Variants in GIPC2 observed in about 807,000 individuals in gnomAD.
GIPC2 encodes the protein PDZ domain-containing protein GIPC2.
Under a neutral mutation model 30.6 loss-of-function variants are expected in GIPC2, and 30 were observed. That is an observed-to-expected ratio of 0.98 (90% CI 0.73 to 1.33). GIPC2 has a LOEUF of 1.33. GIPC2 is among the 40% of genes most tolerant of loss of function. The probability of loss-of-function intolerance (pLI) is 0.00; values close to 1 mark genes in which losing one functional copy is unlikely to be tolerated. For missense variants in GIPC2, 414 were observed against 390.3 expected, an observed-to-expected ratio of 1.06 and a Z score of -0.51; for synonymous variants, 167 against 150.0, an observed-to-expected ratio of 1.11 and a Z score of -0.83.
At chr1:78,081,487 G>A (rs1346280559) in intron 2 of GIPC2, among the ~76,000 whole-genome samples, 1 of 152,092 alleles carries the variant, frequency 6.6e-6, no homozygotes, top group African/African-American at 2.4e-5. Context: ...AGAAGGATGT[G>A]GATAGGTTAT....
At chr1:78,088,831 T>TAAA (rs67286239) in intron 2 of GIPC2, among the ~76,000 whole-genome samples, 1 of 141,178 alleles carries the variant, frequency 7.1e-6, no homozygotes. Flanking sequence ...CACTGTCTCT[T>TAAA]AAAAAAAAAA....
At chr1:78,086,181 AC>A (rs1457551066) in intron 2 of GIPC2, among the ~76,000 whole-genome samples, 2 of 152,102 alleles carry the variant, frequency 1.3e-5, no homozygotes, top group African/African-American at 4.8e-5. Flanking sequence ...TTCACTATTT[AC>A]CCAAAAGTCA....
intron 2 of GIPC2, among the ~76,000 whole-genome samples, chr1:78,090,336 A>G (rs1184252409): frequency 6.6e-6 from 1 of 152,096 alleles, no homozygotes; most frequent in Non-Finnish European, 1.5e-5. Context: ...CTGGGGTTAT[A>G]GGAATGTGCC....
At chr1:78,105,099 C>A (rs149843119) in intron 3 of GIPC2, among the ~76,000 whole-genome samples, 1 of 152,050 alleles carries the variant, frequency 6.6e-6, no homozygotes, top group Non-Finnish European at 1.5e-5. Context: ...AAGGTAGAGA[C>A]CCAGCTGGAT....
chr1:78,081,853 AT>A (rs1661834869), intron 2 of GIPC2, among the ~76,000 whole-genome samples: 1 of 151,948 alleles, frequency 6.6e-6, no homozygotes, highest in Non-Finnish European at 1.5e-5. Context: ...CTTTGTATTT[AT>A]TTTTTTGTTG....
At position 78,067,168 on chromosome 1, in the gene GIPC2, G is replaced by A. The variant is rs528608437; in HGVS notation, c.241-13507G>A. ...AGTCCTATAGCAGGTGCAAAAGTTA[G>A]GGTGGAATGATAGGGAAGCATAGGG... On this transcript the variant is annotated intron_variant, in intron 1 of 5. Coordinates refer to ENST00000370759, the MANE Select transcript of GIPC2 (RefSeq NM_017655.6). 3.9e-5 allele frequency among the ~76,000 whole-genome samples: 6 copies of A among 152,232 alleles called. No individual in the cohort carries two copies. The East Asian group carries it at 1.2e-3, about 29-fold the overall frequency.
At chr1:78,065,848 A>G (rs904395082) in intron 1 of GIPC2, among the ~76,000 whole-genome samples, 2 of 152,206 alleles carry the variant, frequency 1.3e-5, no homozygotes, top group Admixed American at 1.3e-4. Context: ...CCATATGCAG[A>G]AGATTAAAGC....
intron 2 of GIPC2, among the ~76,000 whole-genome samples, chr1:78,085,928 G>A (rs1376631108): frequency 8.0e-6 from 1 of 124,532 alleles, no homozygotes; most frequent in Non-Finnish European, 1.7e-5. Flanking sequence ...GTTCAGTTCA[G>A]CTCTGGTTTT....
intron 3 of GIPC2, among the ~76,000 whole-genome samples, chr1:78,118,247 CAAAAAAAAAAAA>C (rs71810685): frequency 5.8e-4 from 20 of 34,236 alleles, no homozygotes; most frequent in East Asian, 1.7e-3. Flanking sequence ...AGTTTCATTG[CAAAAAAAAAAAA>C]AAAAAAAAAA....
rs1212936887 is a variant in GIPC2 at position 78,119,286 on chromosome 1, T to C, written c.608-107T>C. On this transcript the variant is annotated intron_variant, in intron 3 of 5. Transcript: ENST00000370759. Reference sequence around the variant, plus strand: ...GAAGGCCTACGTTTTATCAAATTTCTATAACAATTGTATATAGTTTTGTGA... The same window carrying C: ...GAAGGCCTACGTTTTATCAAATTTCCATAACAATTGTATATAGTTTTGTGA... The C allele has an allele frequency of 4.8e-6, 3 of 623,734 alleles. No homozygotes were observed. The African/African-American group carries it at 5.5e-5, about 11-fold the overall frequency. 38.6% of individuals were successfully genotyped at this position (623,734 alleles called of 1,614,324 possible).
At chr1:78,097,190 T>A (rs1662153615) in intron 3 of GIPC2, among the ~76,000 whole-genome samples, 1 of 152,192 alleles carries the variant, frequency 6.6e-6, no homozygotes, top group Admixed American at 6.5e-5. Flanking sequence ...TATCTTTTGC[T>A]ATGTTTCCTT....
In GIPC2 at chr1:78,102,499, T is replaced by C. The variant is rs551199112; in HGVS notation, c.607+7367T>C. Among the ~76,000 whole-genome samples the C allele has an allele frequency of 4.6e-5, 7 of 152,366 alleles. No individual in the cohort carries two copies. The East Asian group carries it at 5.8e-4, about 13-fold the overall frequency. Reference sequence around the variant, plus strand: ...AATCAATTAATACTTTTGGTACCTTTTCATATATACTGAATTCTACAAAAT... The same window carrying C: ...AATCAATTAATACTTTTGGTACCTTCTCATATATACTGAATTCTACAAAAT... On this transcript the variant is annotated intron_variant, in intron 3 of 5. Coordinates refer to ENST00000370759, the MANE Select transcript of GIPC2 (RefSeq NM_017655.6).
chr1:78,068,144 T>C (rs1661554502), intron 1 of GIPC2, among the ~76,000 whole-genome samples: 2 of 152,226 alleles, frequency 1.3e-5, no homozygotes, highest in Admixed American at 6.5e-5. Context: ...AAAAAAACCT[T>C]TTAGTAATAC....
At chr1:78,081,342 T>C (rs557163038) in intron 2 of GIPC2, among the ~76,000 whole-genome samples, 192 of 152,302 alleles carry the variant, frequency 1.3e-3, no homozygotes, top group Non-Finnish European at 2.3e-3. Context: ...TTAAAGGTAG[T>C]TGAAAAAATG....
At chr1:78,125,996 T>C (rs1472171516) in intron 5 of GIPC2, 34 bp downstream of exon 5, 1 of 942,178 alleles carries the variant, frequency 1.1e-6, no homozygotes, top group African/African-American at 1.6e-5. Context: ...GTCTTATATC[T>C]CTTAATCTGC....
chr1:78,059,477 A>G (rs1661353404), intron 1 of GIPC2, among the ~76,000 whole-genome samples: 1 of 152,216 alleles, frequency 6.6e-6, no homozygotes, highest in Admixed American at 6.5e-5. Flanking sequence ...AGTGGCACAT[A>G]CATGCCTGTA....
At chr1:78,078,533 G>T (rs1325903795) in intron 1 of GIPC2, among the ~76,000 whole-genome samples, 2 of 152,070 alleles carry the variant, frequency 1.3e-5, no homozygotes, top group Admixed American at 6.6e-5. Context: ...GCCAACTTTT[G>T]GCTGTCTAGA....
At chr1:78,066,289 T>C (rs529916047) in intron 1 of GIPC2, among the ~76,000 whole-genome samples, 8 of 152,232 alleles carry the variant, frequency 5.3e-5, no homozygotes, top group African/African-American at 1.7e-4. Flanking sequence ...AAAAAAAGCT[T>C]AACATCACTG....
intron 2 of GIPC2, among the ~76,000 whole-genome samples, chr1:78,082,994 C>T (rs778144460): frequency 6.6e-5 from 10 of 151,990 alleles, no homozygotes; most frequent in South Asian, 2.1e-4. Flanking sequence ...AGTGTAATTA[C>T]TAAGAACAAG....
Sources: allele counts gnomAD v4.1 joint callset (sites outside exome capture counted in the v4.1 genomes callset), GRCh38; gene constraint gnomAD v4.1.1; transcripts MANE v1.5; gene names NCBI Gene and HGNC (gene_info 2026-07-23, HGNC 2026-07-21).